The following DST variants were observed in gnomAD, a reference collection of about 807,000 sequenced individuals.
DST encodes bullous pemphigoid antigen.
Under a neutral mutation model 875.2 loss-of-function variants are expected in DST, and 253 were observed. The observed-to-expected ratio is 0.29, with a 90% CI of 0.26 to 0.32. The LOEUF is 0.32. DST is among the 10% of genes least tolerant of loss of function. The probability of loss-of-function intolerance (pLI) is 1.00; values close to 1 mark genes in which losing one functional copy is unlikely to be tolerated. For synonymous variants in DST, 3,124 were observed against 3,197.1 expected (o/e 0.98, Z 0.77); for missense variants, 8,287 against 9,111.6 (o/e 0.91, Z 3.68).
chr6:56,940,054 T>G (rs1400490003), intron 2 of DST, among the ~76,000 whole-genome samples: 4 of 151,842 alleles, frequency 2.6e-5, no homozygotes, highest in Non-Finnish European at 5.9e-5. Context: ...TAAATAAGTC[T>G]AGCAGAAGTG....
chr6:56,672,547 T>G (rs1275331544), intron 9 of DST, among the ~76,000 whole-genome samples: 2 of 152,132 alleles, frequency 1.3e-5, no homozygotes, highest in Non-Finnish European at 2.9e-5. Context: ...TGGCCCAAGT[T>G]CCAATGATAT....
intron 4 of DST, among the ~76,000 whole-genome samples, chr6:56,786,134 A>C (rs1428289875): frequency 6.6e-6 from 1 of 152,196 alleles, no homozygotes; most frequent in Non-Finnish European, 1.5e-5. Context: ...ACGTGTGCAT[A>C]TATGAGTGTG....
chr6:56,544,419 C>A (rs767956391), intron 61 of DST, among the ~76,000 whole-genome samples: 53 of 152,278 alleles, frequency 3.5e-4, no homozygotes, highest in Non-Finnish European at 6.0e-4. Flanking sequence ...TTATTCTAGG[C>A]TTATGAAAAG....
intron 55 of DST, among the ~76,000 whole-genome samples, chr6:56,563,726 G>A (rs1352235852): frequency 4.6e-5 from 7 of 152,180 alleles, no homozygotes; most frequent in African/African-American, 1.4e-4. Flanking sequence ...TTACGTTTAC[G>A]TCTTTAATCC....
intron 4 of DST, among the ~76,000 whole-genome samples, chr6:56,769,914 T>TG (rs1308423678): frequency 6.6e-6 from 1 of 152,192 alleles, no homozygotes; most frequent in Non-Finnish European, 1.5e-5. Flanking sequence ...ACTTCCAACA[T>TG]GGAGTTAACA....
chr6:56,567,320 A>G (rs2097695589), intron 55 of DST, among the ~76,000 whole-genome samples: 1 of 152,068 alleles, frequency 6.6e-6, no homozygotes, highest in African/African-American at 2.4e-5. Context: ...TCTGAATCTT[A>G]ACTTTGTCCC....
At chr6:56,530,278 G>T (rs1297972729) in intron 64 of DST, 145 bp from the exon 65 acceptor site, 2 of 588,442 alleles carry the variant, frequency 3.4e-6, no homozygotes, top group African/African-American at 1.9e-5. Context: ...AACATTTAAA[G>T]AACATATTAA....
chr6:56,598,074 A>G, intron 46 of DST, 68 bp from the exon 47 acceptor site: 2 of 1,386,388 alleles, frequency 1.4e-6, no homozygotes, highest in African/African-American at 2.9e-5. Context: ...GACATTCCAA[A>G]AGTAAATACT....
chr6:56,893,283 T>C (rs1241287452), intron 3 of DST, among the ~76,000 whole-genome samples: 1 of 152,346 alleles, frequency 6.6e-6, no homozygotes, highest in East Asian at 1.9e-4. Context: ...GTTACTTCAC[T>C]TAGAATAATA....
chr6:56,943,521 C>T (rs1459343004), intron 2 of DST, among the ~76,000 whole-genome samples: 1 of 151,592 alleles, frequency 6.6e-6, no homozygotes, highest in East Asian at 1.9e-4. Context: ...TAACCTCCAC[C>T]TCCCAGGCTC....
intron 3 of DST, among the ~76,000 whole-genome samples, chr6:56,887,849 C>T (rs1785342896): frequency 6.6e-6 from 1 of 152,072 alleles, no homozygotes; most frequent in South Asian, 2.1e-4. Flanking sequence ...CTAAACTGTT[C>T]ATTCAATACA....
intron 5 of DST, among the ~76,000 whole-genome samples, chr6:56,711,590 A>T (rs545065092): frequency 1.3e-5 from 2 of 152,302 alleles, no homozygotes; most frequent in Non-Finnish European, 2.9e-5. Context: ...GGGAGAAATA[A>T]ATTCAGAAAT....
intron 4 of DST, among the ~76,000 whole-genome samples, chr6:56,741,069 T>C (rs1335968815): frequency 6.6e-6 from 1 of 152,162 alleles, no homozygotes; most frequent in African/African-American, 2.4e-5. Context: ...TAAAAACTGG[T>C]CCTATAGTTC....
At chr6:56,630,166 T>C in intron 31 of DST, 79 bp downstream of exon 31, 5 of 1,093,048 alleles carry the variant, frequency 4.6e-6, no homozygotes, top group Non-Finnish European at 6.9e-6. Flanking sequence ...TATTTAACAC[T>C]TGATGTTTGA....
intron 99 of DST, among the ~76,000 whole-genome samples, chr6:56,465,430 A>G (rs2094533131): frequency 6.6e-6 from 1 of 152,236 alleles, no homozygotes; most frequent in Non-Finnish European, 1.5e-5. Context: ...AATTGCAATC[A>G]AATGACCACG....
At chr6:56,488,356 T>C (rs2095631091) in intron 86 of DST, among the ~76,000 whole-genome samples, 1 of 152,192 alleles carries the variant, frequency 6.6e-6, no homozygotes, top group South Asian at 2.1e-4. Context: ...AACATCCACA[T>C]TCAAGTTCAA....
chr6:56,646,263 G>T, intron 13 of DST, 81 bp from the exon 14 acceptor site: 1 of 740,316 alleles, frequency 1.4e-6, no homozygotes, highest in African/African-American at 1.8e-5. Flanking sequence ...CACTTCAAGT[G>T]TTATGTACTG....
intron 69 of DST, among the ~76,000 whole-genome samples, chr6:56,525,172 A>C (rs1224312405): frequency 6.6e-6 from 1 of 152,196 alleles, no homozygotes; most frequent in Non-Finnish European, 1.5e-5. Context: ...AGTACAGAAT[A>C]ATTTTCTTGC....
At chr6:56,746,439 T>G (rs1017751828) in intron 4 of DST, among the ~76,000 whole-genome samples, 5 of 152,202 alleles carry the variant, frequency 3.3e-5, no homozygotes, top group Non-Finnish European at 5.9e-5. Context: ...TTTGAAACAA[T>G]TTAAATATCA....
Sources: allele counts gnomAD v4.1 joint callset (sites outside exome capture counted in the v4.1 genomes callset), GRCh38; gene constraint gnomAD v4.1.1; transcripts MANE v1.5; gene names NCBI Gene and HGNC (gene_info 2026-07-23, HGNC 2026-07-21).